The following PTPN4 variants were observed in gnomAD, a reference collection of about 807,000 sequenced individuals.
The protein encoded by PTPN4 is tyrosine-protein phosphatase non-receptor type 4.
PTPN4 carries 49 observed loss-of-function variants against 135.5 expected under a neutral mutation model. The observed-to-expected ratio is 0.36, with a 90% CI of 0.29 to 0.46. The LOEUF (loss-of-function observed/expected upper bound fraction) is 0.46, where lower values mean the gene tolerates loss of function less well. Ranked by LOEUF, PTPN4 falls within the 20% of genes least tolerant of loss-of-function variation. PTPN4 has a pLI of 1.00. For missense variants in PTPN4, 860 were observed against 1,101.0 expected (o/e 0.78, Z 3.10); for synonymous variants, 333 against 369.9 (o/e 0.90, Z 1.14).
At chr2:119,922,578 T>C (rs887277051) in intron 12 of PTPN4, among the ~76,000 whole-genome samples, 2 of 152,236 alleles carry the variant, frequency 1.3e-5, no homozygotes, top group African/African-American at 4.8e-5. Flanking sequence ...TGATTCACTT[T>C]GCTAAATTTT....
Position 119,922,565 on chromosome 2 carries a change from G to T in PTPN4, c.1001+2324G>T, listed in dbSNP as rs530472712. Among the ~76,000 whole-genome samples the T allele has an allele frequency of 2.0e-4, 31 of 152,140 alleles. 1 individual carries two copies. The highest frequency in any genetic ancestry group is 3.5e-4 in the Non-Finnish European group (24 of 67,970). On this transcript the variant is annotated intron_variant, in intron 12 of 26. Coordinates refer to ENST00000263708, the MANE Select transcript of PTPN4 (RefSeq NM_002830.4). ...AGCCATGATATCCTTTATATATATTGTTTGATTCACTTTGCTAAATTTTGT... is the reference window on the plus strand; with the variant it reads ...AGCCATGATATCCTTTATATATATTTTTTGATTCACTTTGCTAAATTTTGT...
intron 26 of PTPN4, 50 bp from the exon 27 acceptor site, chr2:119,976,934 G>A (rs768380628): frequency 6.4e-6 from 10 of 1,565,900 alleles, no homozygotes; most frequent in African/African-American, 1.4e-5. Flanking sequence ...GAGAGGGGAC[G>A]GTTTTCTGAC....
Position 119,922,096 on chromosome 2 carries a change from A to G in PTPN4, c.1001+1855A>G, listed in dbSNP as rs556872389. The stretch of plus-strand genomic sequence containing the variant: ...ATACCAAAGCAAACATAAAATTTAC[A>G]TACGGTGACTTCAAATACAAAAGAC... On this transcript the variant is annotated intron_variant, in intron 12 of 26. Coordinates refer to ENST00000263708, the MANE Select transcript of PTPN4 (RefSeq NM_002830.4). Among the ~76,000 whole-genome samples the G allele has an allele frequency of 1.1e-4, 17 of 152,248 alleles. No individual in the cohort carries two copies. The East Asian group carries it at 2.9e-3, about 26-fold the overall frequency.
At chr2:119,922,810 A>G (rs1189775263) in intron 12 of PTPN4, among the ~76,000 whole-genome samples, 2 of 152,202 alleles carry the variant, frequency 1.3e-5, no homozygotes, top group African/African-American at 4.8e-5. Flanking sequence ...AGTCTTACTT[A>G]TAGGAAGGTT....
At chr2:119,849,263 C>G (rs1365218531) in intron 2 of PTPN4, among the ~76,000 whole-genome samples, 1 of 152,094 alleles carries the variant, frequency 6.6e-6, no homozygotes, top group Non-Finnish European at 1.5e-5. Context: ...TCTGTTTCTT[C>G]TCCTGTGTTA....
At chr2:119,775,266 C>T (rs1354170722) in intron 1 of PTPN4, among the ~76,000 whole-genome samples, 4 of 152,026 alleles carry the variant, frequency 2.6e-5, no homozygotes, top group African/African-American at 7.3e-5. Flanking sequence ...TGCTAACCCC[C>T]GAGCCTTGAT....
chr2:119,849,081 G>T (rs1234466359), intron 2 of PTPN4, among the ~76,000 whole-genome samples: 6 of 151,986 alleles, frequency 3.9e-5, no homozygotes, highest in Admixed American at 6.6e-5. Flanking sequence ...TTTATATTTT[G>T]TATCTGAGAT....
intron 19 of PTPN4, among the ~76,000 whole-genome samples, chr2:119,954,410 A>G (rs1679250326): frequency 1.3e-5 from 2 of 152,058 alleles, no homozygotes; most frequent in Admixed American, 1.3e-4. Context: ...GATAACCCTG[A>G]GCCTCTCCAG....
At chr2:119,896,203 A>G (rs538274976) in intron 9 of PTPN4, among the ~76,000 whole-genome samples, 7 of 152,182 alleles carry the variant, frequency 4.6e-5, no homozygotes, top group East Asian at 3.9e-4. Flanking sequence ...TCCTTCCTAC[A>G]TAGTATTTTT....
intron 13 of PTPN4, among the ~76,000 whole-genome samples, chr2:119,927,503 G>A (rs1480694994): frequency 6.6e-6 from 1 of 152,132 alleles, no homozygotes; most frequent in African/African-American, 2.4e-5. Flanking sequence ...ATGGATTAGC[G>A]AGGAAAGCCT....
chr2:119,963,875 A>G (rs113119647), intron 24 of PTPN4, among the ~76,000 whole-genome samples: 3,545 of 152,298 alleles, frequency 0.023, 131 homozygotes, highest in African/African-American at 0.078. Flanking sequence ...AGTCTCTATT[A>G]TACTCCACCT....
At chr2:119,876,394 TAGACTC>T (rs1677983689) in intron 3 of PTPN4, among the ~76,000 whole-genome samples, 1 of 152,196 alleles carries the variant, frequency 6.6e-6, no homozygotes, top group Non-Finnish European at 1.5e-5. Context: ...AGTTTGCAGA[TAGACTC>T]AGTTGGATTT....
chr2:119,826,652 C>T (rs574266244), intron 2 of PTPN4, among the ~76,000 whole-genome samples: 10 of 152,144 alleles, frequency 6.6e-5, no homozygotes. Context: ...GATCCTAATA[C>T]AAAATATTGA....
chr2:119,768,319 G>A (rs1690671328), intron 1 of PTPN4, among the ~76,000 whole-genome samples: 1 of 152,016 alleles, frequency 6.6e-6, no homozygotes, highest in South Asian at 2.1e-4. Context: ...TCCCAGCTCT[G>A]AAATCATTTA....
In PTPN4 at chr2:119,984,228, T is replaced by C. The variant is rs1679733552; in HGVS notation, c.*7158T>C. On this transcript the variant is annotated 3_prime_UTR_variant, in exon 27 of 27. Transcript: ENST00000263708. ...AACCGATAATTTACTATATCTGCAT[T>C]ATTGATATTTTTAAGTAGTAGTTTT... 6.6e-6 allele frequency among the ~76,000 whole-genome samples: 1 copy of C among 152,224 alleles called. No homozygotes were observed. The highest frequency in any genetic ancestry group is 1.5e-5 in the Non-Finnish European group (1 of 68,036).
At chr2:119,793,453 C>T (rs1311445208) in intron 1 of PTPN4, among the ~76,000 whole-genome samples, 3 of 152,112 alleles carry the variant, frequency 2.0e-5, no homozygotes, top group Non-Finnish European at 2.9e-5. Flanking sequence ...ACATGCTTTA[C>T]GAACAATTTG....
intron 9 of PTPN4, among the ~76,000 whole-genome samples, chr2:119,888,559 T>C (rs983227785): frequency 6.6e-6 from 1 of 152,206 alleles, no homozygotes; most frequent in Non-Finnish European, 1.5e-5. Context: ...TTTCAAATGC[T>C]TTTACAATGT....
At chr2:119,857,474 C>T (rs1017314321) in intron 2 of PTPN4, among the ~76,000 whole-genome samples, 2 of 150,502 alleles carry the variant, frequency 1.3e-5, no homozygotes, top group Non-Finnish European at 3.0e-5. Context: ...GTGGAGGTTG[C>T]AGTGAGCCGA....
At chr2:119,761,921 T>A (rs1325212168) in intron 1 of PTPN4, among the ~76,000 whole-genome samples, 1 of 152,204 alleles carries the variant, frequency 6.6e-6, no homozygotes, top group East Asian at 1.9e-4. Context: ...TGATTTTTCT[T>A]ACTGCCCATT....
Sources: gnomAD v4.1 joint callset for allele counts (sites outside exome capture counted in the v4.1 genomes callset) on GRCh38, gnomAD v4.1.1 for gene constraint, MANE v1.5 for transcripts, NCBI Gene and HGNC (gene_info 2026-07-23, HGNC 2026-07-21) for gene names.